The following TMPRSS15 variants were observed in gnomAD, a reference collection of about 807,000 sequenced individuals.
The protein encoded by TMPRSS15 is transmembrane serine protease 15.
TMPRSS15 carries 128 observed loss-of-function variants against 125.3 expected under a neutral mutation model. The observed-to-expected ratio is 1.02, with a 90% confidence interval of 0.89 to 1.18. The LOEUF (loss-of-function observed/expected upper bound fraction) is 1.18. Ranked by LOEUF, TMPRSS15 falls within the 50% of genes most tolerant of loss-of-function variation. TMPRSS15 has a pLI of 0.00. For synonymous variants in TMPRSS15, 446 were observed against 423.2 expected (o/e 1.05, Z -0.66); for missense variants, 1,283 against 1,212.7 (o/e 1.06, Z -0.86).
At chr21:18,418,893 G>A (rs1463869537) in intron 1 of TMPRSS15, among the ~76,000 whole-genome samples, 1 of 152,158 alleles carries the variant, frequency 6.6e-6, no homozygotes, top group African/African-American at 2.4e-5. Context: ...TTGCAATTAT[G>A]GGATTGCCTC....
At chr21:18,300,560 G>A (rs1026127032) in intron 18 of TMPRSS15, among the ~76,000 whole-genome samples, 1 of 151,634 alleles carries the variant, frequency 6.6e-6, no homozygotes, top group Non-Finnish European at 1.5e-5. Context: ...GGCCAGGCTA[G>A]TCGTGAACTC....
intron 1 of TMPRSS15, among the ~76,000 whole-genome samples, chr21:18,424,815 G>A (rs1277654771): frequency 6.7e-6 from 1 of 150,290 alleles, no homozygotes; most frequent in African/African-American, 2.5e-5. Flanking sequence ...TATGCTATTT[G>A]TTGTGTTTTC....
intron 7 of TMPRSS15, among the ~76,000 whole-genome samples, chr21:18,361,588 T>C (rs2075680331): frequency 6.6e-6 from 1 of 152,098 alleles, no homozygotes; most frequent in African/African-American, 2.4e-5. Context: ...ATGTGGCCAA[T>C]AAGGCAATCA....
rs150433674 is a variant in TMPRSS15 at position 18,403,764 on chromosome 21, G to C, written c.-142C>G. 8.5e-4 allele frequency: 880 copies of C among 1,040,060 alleles called. 4 individuals carry two copies. The East Asian group carries it at 0.016, about 18-fold the overall frequency. The allele number at this position is 1,040,060 out of a possible 1,614,324, so 64.4% of individuals were successfully genotyped here. A position where few individuals can be genotyped will look rare whatever the true frequency, so the allele number is the denominator to read the frequency against. ...TACATGCATACCAGTCAGTGTAAGT[G>C]AGTTGTGTATGTCTCTTTGGCAAAA... On this transcript the variant is annotated 5_prime_UTR_variant, in exon 1 of 25. Coordinates refer to ENST00000284885, the MANE Select transcript of TMPRSS15 (RefSeq NM_002772.3).
chr21:18,465,117 A>C (rs1478343028), intron 1 of TMPRSS15, among the ~76,000 whole-genome samples: 2 of 152,202 alleles, frequency 1.3e-5, no homozygotes, highest in Admixed American at 1.3e-4. Flanking sequence ...TACACAAATC[A>C]ATAAATGTAA....
intron 21 of TMPRSS15, among the ~76,000 whole-genome samples, chr21:18,283,271 T>C (rs1272566117): frequency 6.6e-6 from 1 of 152,150 alleles, no homozygotes; most frequent in African/African-American, 2.4e-5. Flanking sequence ...TAAGTATATT[T>C]CCTAAAGCTC....
chr21:18,372,851 T>G (rs984652977), intron 5 of TMPRSS15, among the ~76,000 whole-genome samples: 1 of 152,234 alleles, frequency 6.6e-6, no homozygotes, highest in African/African-American at 2.4e-5. Context: ...CAGCCTGACT[T>G]GTCCTTCACT....
At chr21:18,319,783 TC>T (rs1482910126) in intron 16 of TMPRSS15, among the ~76,000 whole-genome samples, 3 of 152,182 alleles carry the variant, frequency 2.0e-5, no homozygotes. Context: ...GTGCTGTTTC[TC>T]CCTACGAATA....
chr21:18,330,418 T>C (rs184510038), intron 14 of TMPRSS15, among the ~76,000 whole-genome samples: 1 of 152,342 alleles, frequency 6.6e-6, no homozygotes, highest in Admixed American at 6.5e-5. Context: ...CTTCATAACA[T>C]GGTGTAAAAT....
At chr21:18,382,704 A>C (rs2123053667) in intron 4 of TMPRSS15, among the ~76,000 whole-genome samples, 1 of 152,250 alleles carries the variant, frequency 6.6e-6, no homozygotes, top group East Asian at 1.9e-4. Flanking sequence ...TCTAACATCC[A>C]AAAATTTCTG....
intron 12 of TMPRSS15, among the ~76,000 whole-genome samples, 162 bp from the exon 13 acceptor site, chr21:18,341,710 A>T (rs1456227924): frequency 6.6e-6 from 1 of 152,160 alleles, no homozygotes; most frequent in Non-Finnish European, 1.5e-5. Flanking sequence ...TTGACAGATC[A>T]TGCTTTTTAA....
At chr21:18,280,575 C>CAAAAAAAGAAAAAAAAAAAA (rs2074681053) in intron 22 of TMPRSS15, among the ~76,000 whole-genome samples, 1 of 48,372 alleles carries the variant, frequency 2.1e-5, no homozygotes, top group African/African-American at 9.4e-5. Flanking sequence ...GACTCCGTCT[C>CAAAAAAAGAAAAAAAAAAAA]AAAAAAAAAA....
At chr21:18,327,910 G>A (rs563888828) in intron 15 of TMPRSS15, among the ~76,000 whole-genome samples, 15 of 152,010 alleles carry the variant, frequency 9.9e-5, no homozygotes, top group African/African-American at 2.7e-4. Context: ...AAAATTAGCC[G>A]GGCGAGGTGG....
At chr21:18,432,135 T>C (rs2076217405) in intron 1 of TMPRSS15, among the ~76,000 whole-genome samples, 1 of 152,164 alleles carries the variant, frequency 6.6e-6, no homozygotes, top group East Asian at 1.9e-4. Context: ...TCATATAAAG[T>C]ATTCTCTTAC....
intron 1 of TMPRSS15, among the ~76,000 whole-genome samples, chr21:18,481,046 GGCAGAGTAAT>G (rs1350280074): frequency 6.6e-6 from 1 of 151,792 alleles, no homozygotes; most frequent in Non-Finnish European, 1.5e-5. Flanking sequence ...TGAAACCAGA[GGCAGAGTAAT>G]GCCTGATACA....
At chr21:18,348,199 C>A (rs1276140498) in intron 10 of TMPRSS15, among the ~76,000 whole-genome samples, 1 of 151,410 alleles carries the variant, frequency 6.6e-6, no homozygotes, top group African/African-American at 2.4e-5. Context: ...AATAAATAAG[C>A]CCCAGAAAAT....
At chr21:18,326,829 T>C (rs1156397844) in intron 15 of TMPRSS15, among the ~76,000 whole-genome samples, 1 of 152,260 alleles carries the variant, frequency 6.6e-6, no homozygotes, top group Admixed American at 6.5e-5. Flanking sequence ...ACTTATAATA[T>C]ATCTGACTTA....
chr21:18,345,151 C>T (rs2075491398), intron 10 of TMPRSS15, among the ~76,000 whole-genome samples: 1 of 152,086 alleles, frequency 6.6e-6, no homozygotes, highest in South Asian at 2.1e-4. Flanking sequence ...GGTCAAGTGG[C>T]TTAATAAATG....
chr21:18,380,207 T>C (rs201847845), intron 4 of TMPRSS15, among the ~76,000 whole-genome samples: 9 of 99,002 alleles, frequency 9.1e-5, no homozygotes, highest in African/African-American at 3.1e-4. Flanking sequence ...ACACACACAC[T>C]CATATATCTC....
Sources: gnomAD v4.1 joint callset for allele counts (sites outside exome capture counted in the v4.1 genomes callset) on GRCh38, gnomAD v4.1.1 for gene constraint, MANE v1.5 for transcripts, NCBI Gene and HGNC (gene_info 2026-07-23, HGNC 2026-07-21) for gene names.